GATD1: variants seen among roughly 807,000 people sequenced by gnomAD.
The protein encoded by GATD1 is glutamine amidotransferase class 1 domain containing 1, also known as glutamine amidotransferase-like class 1 domain-containing protein 1.
Under a neutral mutation model 25.9 loss-of-function variants are expected in GATD1, and 23 were observed. The ratio of observed to expected loss-of-function variants is 0.89; its 90% CI spans 0.64 to 1.26. The LOEUF is 1.26. GATD1 is among the 50% of genes most tolerant of loss of function. The pLI is 0.00. For synonymous variants in GATD1, 177 were observed against 134.6 expected, an observed-to-expected ratio of 1.31 and a Z score of -2.18; for missense variants, 347 against 312.5, an observed-to-expected ratio of 1.11 and a Z score of -0.83.
rs766409606 is a variant in GATD1 at position 774,107 on chromosome 11, C to A, written c.148G>T (p.Ala50Ser). The change falls in exon 3 of 8, where the codon GCC becomes TCC. Residue 50 changes from alanine to serine, a missense_variant. Ala to Ser is a moderately conservative substitution (Grantham distance 99). Coordinates refer to ENST00000319863, the MANE Select transcript of GATD1 (RefSeq NM_182612.4). ...TCAGTCACATCCACAAATTCCATGG[C>A]TTTCCCCTGGAGAAGCAGAGCCCAG... ...NLQVATPGGK[A>S]MEFVDVTESN... The A allele has an allele frequency of 1.9e-6, 3 of 1,613,268 alleles. No homozygotes were observed. The highest frequency in any genetic ancestry group is 2.2e-5 in the East Asian group (1 of 44,882).
chr11:768,372 G>C lies in GATD1; in HGVS notation c.*2525C>G, dbSNP rs1863176701. 1 of 152,036 alleles carries C rather than the reference G, an allele frequency of 6.6e-6. No individual in the cohort carries two copies. The highest frequency in any genetic ancestry group is 6.6e-5 in the Admixed American group (1 of 15,240). The allele number at this position is 152,036 out of a possible 1,614,324, so 9.4% of individuals were successfully genotyped here. A position where few individuals can be genotyped will look rare whatever the true frequency, so the allele number is the denominator to read the frequency against. On this transcript the variant is annotated 3_prime_UTR_variant, in exon 8 of 8. Coordinates refer to ENST00000319863, the MANE Select transcript of GATD1 (RefSeq NM_182612.4). ...TAGTCCCAGTTACTCGGGAGGCTGA[G>C]GCAGGAGAACTGCTTGAATCTGGGA...
Position 767,291 on chromosome 11 carries a change from C to A in GATD1, c.*3606G>T. On this transcript the variant is annotated 3_prime_UTR_variant, in exon 8 of 8. Transcript: ENST00000319863. Reference sequence around the variant, plus strand: ...ACACACTGGTATATGGGGAAATCCTCACCCGCCCTCCGCTGCTCTTCTGGA... The same window carrying A: ...ACACACTGGTATATGGGGAAATCCTAACCCGCCCTCCGCTGCTCTTCTGGA... 1 of 1,536,184 alleles carries A rather than the reference C, an allele frequency of 6.5e-7. No individual in the cohort carries two copies. Among genetic ancestry groups the A allele is most frequent in the Non-Finnish European group, 8.7e-7 (1 of 1,146,924 alleles).
rs116476510 is a variant in GATD1 at position 767,630 on chromosome 11, G to A, written c.*3267C>T. 2.6e-3 allele frequency: 3,479 copies of A among 1,331,998 alleles called. 92 individuals carry two copies. The African/African-American group carries it at 0.046, about 18-fold the overall frequency. 82.5% of individuals were successfully genotyped at this position (1,331,998 alleles called of 1,614,324 possible). On this transcript the variant is annotated 3_prime_UTR_variant, in exon 8 of 8. Transcript: ENST00000319863. The stretch of plus-strand genomic sequence containing the variant: ...ATGCACCCTGCTGTGGCCTGAGCAC[G>A]TCCCCCCAAAACCCACCTGCTTAAG...
Position 771,110 on chromosome 11 carries a change from G to A in GATD1, c.545-6C>T. 1 of 1,583,842 alleles carries A rather than the reference G, an allele frequency of 6.3e-7. No homozygotes were observed. The highest frequency in any genetic ancestry group is 1.1e-5 in the South Asian group (1 of 88,090). ...GACAGCGTCAGGCTCGCTTGCTGGGGAGGACCGAGGGCACCAACCTCAGGC... is the reference window on the plus strand; with the variant it reads ...GACAGCGTCAGGCTCGCTTGCTGGGAAGGACCGAGGGCACCAACCTCAGGC... On this transcript the variant is annotated splice_region_variant and splice_polypyrimidine_tract_variant and intron_variant, in intron 6 of 7. Transcript: ENST00000319863.
chr11:777,438 T>A lies in GATD1; in HGVS notation c.25A>T (p.Arg9Trp). The part of the protein sequence containing the change: MASERLPN[R>W]PACLLVASGA... ...CTGGCCACGAGCAGACAGGCGGGCC[T>A]GTTAGGGAGCCGCTCGGACGCCATG... is the stretch of plus-strand genomic sequence containing the variant. The change falls in exon 1 of 8, where the codon AGG becomes TGG. Residue 9 changes from arginine to tryptophan, a missense_variant. Transcript: ENST00000319863. The A allele has an allele frequency of 7.9e-7, 1 of 1,265,798 alleles. No individual in the cohort carries two copies. Among genetic ancestry groups the A allele is most frequent in the Non-Finnish European group, 9.9e-7 (1 of 1,005,738 alleles). 78.4% of individuals were successfully genotyped at this position (1,265,798 alleles called of 1,614,324 possible). A position where few individuals can be genotyped will look rare whatever the true frequency, so the allele number is the denominator to read the frequency against.
chr11:772,788 G>A (rs571502265), intron 4 of GATD1, among the ~76,000 whole-genome samples: 1 of 152,218 alleles, frequency 6.6e-6, no homozygotes, highest in Non-Finnish European at 1.5e-5. Flanking sequence ...CGAGACACAC[G>A]CAGAGAGGAG....
intron 5 of GATD1, 88 bp from the exon 6 acceptor site, chr11:771,514 C>T (rs542135719): frequency 7.3e-5 from 106 of 1,442,666 alleles, no homozygotes; most frequent in Non-Finnish European, 8.7e-5. Flanking sequence ...GGGCAGGGAG[C>T]CTCACCCAAC....
At position 770,400 on chromosome 11, in the gene GATD1, T is replaced by C. The variant is rs764469537; in HGVS notation, c.*497A>G. ...CCTTGGGGCAGGAGGCTGCTGCTCCTAAAAAATTCCGTTCACCTTTGGCCA... is the reference window on the plus strand; with the variant it reads ...CCTTGGGGCAGGAGGCTGCTGCTCCCAAAAAATTCCGTTCACCTTTGGCCA... On this transcript the variant is annotated 3_prime_UTR_variant, in exon 8 of 8. Coordinates refer to ENST00000319863, the MANE Select transcript of GATD1 (RefSeq NM_182612.4). 15 of 1,522,444 alleles carry C rather than the reference T, an allele frequency of 9.9e-6. 1 individual carries two copies. The South Asian group carries it at 1.2e-4, about 12-fold the overall frequency. The allele number at this position is 1,522,444 out of a possible 1,614,324, so 94.3% of individuals were successfully genotyped here. A position where few individuals can be genotyped will look rare whatever the true frequency, so the allele number is the denominator to read the frequency against.
At position 770,313 on chromosome 11, in the gene GATD1, C is replaced by G. The variant is rs1365994286; in HGVS notation, c.*584G>C. ...ACAGGGTGCATCACTGAGGTGCTTA[C>G]ACTTTGAAACCACACGCCAGGAAGA... On this transcript the variant is annotated 3_prime_UTR_variant, in exon 8 of 8. Transcript: ENST00000319863. 6.5e-7 allele frequency: 1 copy of G among 1,532,148 alleles called. No individual in the cohort carries two copies. Among genetic ancestry groups the G allele is most frequent in the East Asian group, 2.4e-5 (1 of 40,898 alleles). 94.9% of individuals were successfully genotyped at this position (1,532,148 alleles called of 1,614,324 possible).
chr11:777,354 C>A, intron 1 of GATD1, 45 bp downstream of exon 1: 1 of 1,262,310 alleles, frequency 7.9e-7, no homozygotes, highest in Non-Finnish European at 1.0e-6. Flanking sequence ...GGGCAGCCCC[C>A]TCGCGGACGC....
In GATD1 at chr11:771,375, C is replaced by T. The variant is rs751261234; in HGVS notation, c.502G>A (p.Val168Met). Residue 168 changes from valine (V) to methionine (M), a missense_variant, in exon 6 of 8, where the codon GTG (valine) becomes ATG (methionine). Transcript: ENST00000319863. ...GAATCCTTCACGAAGTCCTCCACCA[C>T]GAGCGGCAGGCGGGCGAAGCCGGGG... is the stretch of plus-strand genomic sequence containing the variant. ...RAPGFARLPLVVEDFVKDSGA... is the reference protein window; with the variant it reads ...RAPGFARLPLMVEDFVKDSGA... 1.0e-5 allele frequency: 16 copies of T among 1,585,672 alleles called. No homozygotes were observed. The highest frequency in any genetic ancestry group is 7.2e-5 in the Admixed American group (4 of 55,772).
chr11:775,976 C>CTTTTTTTTTTTTTTTT (rs71022972), intron 1 of GATD1, among the ~76,000 whole-genome samples: 25 of 72,286 alleles, frequency 3.5e-4, no homozygotes, highest in East Asian at 8.6e-4. Flanking sequence ...TATCTTCATT[C>CTTTTTTTTTTTTTTTT]TTTTTTTTTT....
intron 1 of GATD1, 30 bp from the exon 2 acceptor site, chr11:775,172 G>A (rs369824130): frequency 2.1e-5 from 33 of 1,571,020 alleles, no homozygotes; most frequent in East Asian, 1.8e-4. Flanking sequence ...GTGTGGGCTC[G>A]ACAGGACTAG....
Position 771,096 on chromosome 11 carries a change from G to A in GATD1, c.553C>T (p.Pro185Ser), listed in dbSNP as rs1294836356. The change falls in exon 7 of 8, where the codon CCT becomes TCT. Residue 185 changes from proline (P) to serine (S), a missense_variant. Coordinates refer to ENST00000319863, the MANE Select transcript of GATD1 (RefSeq NM_182612.4). ...TCCAGCACGACGTGGACAGCGTCAG[G>A]CTCGCTTGCTGGGGAGGACCGAGGG... is the stretch of plus-strand genomic sequence containing the variant. The part of the protein sequence containing the change: ...DSGACFSASE[P>S]DAVHVVLDRH... The A allele has an allele frequency of 6.3e-7, 1 of 1,599,028 alleles. No homozygotes were observed.
In GATD1 at chr11:777,454, G is replaced by C. The variant is rs564246377; in HGVS notation, c.9C>G (p.Ser3=). 8.0e-6 allele frequency: 10 copies of C among 1,244,444 alleles called. No individual in the cohort carries two copies. The highest frequency in any genetic ancestry group is 9.1e-6 in the Non-Finnish European group (9 of 992,628). The allele number at this position is 1,244,444 out of a possible 1,614,324, so 77.1% of individuals were successfully genotyped here. The change falls in exon 1 of 8, where the codon TCC becomes TCG. Residue 3 remains serine (S), a synonymous_variant. Coordinates refer to ENST00000319863, the MANE Select transcript of GATD1 (RefSeq NM_182612.4). ...AGGCGGGCCTGTTAGGGAGCCGCTC[G>C]GACGCCATGGCTCGGGCTCGGCGCT... MA[S]ERLPNRPACL...
chr11:774,003 C>A lies in GATD1; in HGVS notation c.247+5G>T, dbSNP rs769813903. The A allele has an allele frequency of 1.4e-5, 22 of 1,613,154 alleles. No homozygotes were observed. In the Admixed American group the frequency reaches 3.5e-4, roughly 26 times the overall value. On this transcript the variant is annotated splice_donor_5th_base_variant and intron_variant, in intron 3 of 7. Coordinates refer to ENST00000319863, the MANE Select transcript of GATD1 (RefSeq NM_182612.4). The stretch of plus-strand genomic sequence containing the variant: ...CCACCCCCAAGGAGTGGGTCCCGGG[C>A]CTACCATCGATGGACTCGAGCTTGG...
At position 771,324 on chromosome 11, in the gene GATD1, G is replaced by C; in HGVS notation, c.544+9C>G. The C allele has an allele frequency of 6.2e-7, 1 of 1,603,848 alleles. No homozygotes were observed. Among genetic ancestry groups the C allele is most frequent in the Non-Finnish European group, 8.5e-7 (1 of 1,175,680 alleles). On this transcript the variant is annotated intron_variant, in intron 6 of 7. Coordinates refer to ENST00000319863, the MANE Select transcript of GATD1 (RefSeq NM_182612.4). ...TTCTGTAAGTGCAGGGGGCACCCTC[G>C]AGGCTCACCACTGAAGCAGGCGCCC...
intron 5 of GATD1, 111 bp downstream of exon 5, chr11:772,316 A>T (rs1863527033): frequency 1.4e-6 from 1 of 729,434 alleles, no homozygotes; most frequent in East Asian, 2.8e-5. Flanking sequence ...CAGGGAGCAC[A>T]GCGTGCCTCG....
chr11:770,638 A>G lies in GATD1; in HGVS notation c.*259T>C. 1.4e-6 allele frequency: 2 copies of G among 1,419,510 alleles called. No individual in the cohort carries two copies. The highest frequency in any genetic ancestry group is 1.8e-6 in the Non-Finnish European group (2 of 1,090,712). The allele number at this position is 1,419,510 out of a possible 1,614,324, so 87.9% of individuals were successfully genotyped here. A position where few individuals can be genotyped will look rare whatever the true frequency, so the allele number is the denominator to read the frequency against. ...TCCCGAGGACCACCTAGCAGCTAGC[A>G]CAGCTCTCCAGGCACGTGGGGTCTT... On this transcript the variant is annotated 3_prime_UTR_variant, in exon 8 of 8. Coordinates refer to ENST00000319863, the MANE Select transcript of GATD1 (RefSeq NM_182612.4).
Sources: gnomAD v4.1 joint callset for allele counts (sites outside exome capture counted in the v4.1 genomes callset) on GRCh38, gnomAD v4.1.1 for gene constraint, MANE v1.5 for transcripts, NCBI Gene and HGNC (gene_info 2026-07-23, HGNC 2026-07-21) for gene names.